Variants in ADK observed in about 807,000 individuals in gnomAD.
The protein encoded by ADK is adenosine kinase, also known as N6,N6-dimethyladenosine kinase.
Under a neutral mutation model 44.7 loss-of-function variants are expected in ADK, and 24 were observed. The ratio of observed to expected loss-of-function variants is 0.54; its 90% CI spans 0.39 to 0.76. The LOEUF (loss-of-function observed/expected upper bound fraction) is 0.76. Ranked by LOEUF, ADK falls within the 30% of genes least tolerant of loss-of-function variation. ADK has a pLI of 0.00. For synonymous variants in ADK, 128 were observed against 142.6 expected (o/e 0.90, Z 0.73); for missense variants, 321 against 425.1 (o/e 0.76, Z 2.15).
chr10:74,160,630 G>A (rs978365922), intron 1 of ADK, among the ~76,000 whole-genome samples: 1 of 152,068 alleles, frequency 6.6e-6, no homozygotes, highest in Non-Finnish European at 1.5e-5. Context: ...CATTCTCACT[G>A]TCTGCCCGTC....
At chr10:74,173,154 A>G (rs1245203340) in intron 1 of ADK, among the ~76,000 whole-genome samples, 2 of 148,180 alleles carry the variant, frequency 1.3e-5, no homozygotes, top group African/African-American at 2.5e-5. Context: ...GTGCAGTGGC[A>G]TGATCTCTGC....
At chr10:74,427,552 A>G (rs1337013443) in intron 6 of ADK, among the ~76,000 whole-genome samples, 1 of 152,136 alleles carries the variant, frequency 6.6e-6, no homozygotes, top group Non-Finnish European at 1.5e-5. Flanking sequence ...TTTTGAGCAA[A>G]TGAGTGAGCC....
At chr10:74,691,057 C>A (rs1855972623) in intron 10 of ADK, among the ~76,000 whole-genome samples, 1 of 152,136 alleles carries the variant, frequency 6.6e-6, no homozygotes, top group Admixed American at 6.6e-5. Flanking sequence ...GAAAATAAAA[C>A]CTTTAAAAAG....
intron 4 of ADK, among the ~76,000 whole-genome samples, chr10:74,346,215 C>A (rs10762600): frequency 0.65 from 98,032 of 151,954 alleles, 32,923 homozygotes; most frequent in Middle Eastern, 0.79. Flanking sequence ...TTTAATGAAT[C>A]CAAAGTTCAT....
chr10:74,478,736 C>T (rs1353311175), intron 6 of ADK, among the ~76,000 whole-genome samples: 1 of 152,168 alleles, frequency 6.6e-6, no homozygotes, highest in Non-Finnish European at 1.5e-5. Context: ...TTCCAAATAG[C>T]TTGTTAGTGT....
In ADK at chr10:74,708,538, C is replaced by T; in HGVS notation, c.*93C>T. ...ATTAATAAAGAAGAAAATTATCTGC[C>T]ATTTTTTCCTACTATAATAATGCTG... On this transcript the variant is annotated 3_prime_UTR_variant, in exon 11 of 11. Transcript: ENST00000539909. The T allele has an allele frequency of 7.1e-7, 1 of 1,409,866 alleles. No individual in the cohort carries two copies. Among genetic ancestry groups the T allele is most frequent in the Non-Finnish European group, 9.7e-7 (1 of 1,032,460 alleles). The allele number at this position is 1,409,866 out of a possible 1,614,324, so 87.3% of individuals were successfully genotyped here. A position where few individuals can be genotyped will look rare whatever the true frequency, so the allele number is the denominator to read the frequency against.
At chr10:74,388,792 C>T (rs1843239426) in intron 4 of ADK, among the ~76,000 whole-genome samples, 1 of 151,794 alleles carries the variant, frequency 6.6e-6, no homozygotes. Flanking sequence ...TAAACATGCA[C>T]AGGTTGGTAT....
At chr10:74,250,479 G>C (rs1845607807) in intron 3 of ADK, among the ~76,000 whole-genome samples, 1 of 152,136 alleles carries the variant, frequency 6.6e-6, no homozygotes, top group South Asian at 2.1e-4. Context: ...TACAACGTAG[G>C]TTCAGGCCGA....
intron 6 of ADK, among the ~76,000 whole-genome samples, chr10:74,456,203 C>G (rs916047939): frequency 1.3e-5 from 2 of 152,110 alleles, no homozygotes; most frequent in Non-Finnish European, 2.9e-5. Flanking sequence ...TAGACATCTA[C>G]AGAACTCTCC....
chr10:74,419,029 AGTTTAAT>A (rs752679852), intron 6 of ADK, among the ~76,000 whole-genome samples: 6 of 152,210 alleles, frequency 3.9e-5, no homozygotes, highest in Non-Finnish European at 7.3e-5. Context: ...ACCCTTTTAT[AGTTTAAT>A]GTTTGGCACC....
intron 3 of ADK, among the ~76,000 whole-genome samples, chr10:74,290,100 ACT>A (rs1554838778): frequency 1.4e-5 from 2 of 142,634 alleles, no homozygotes. Flanking sequence ...ACACACACAC[ACT>A]CACACACACT....
At chr10:74,360,432 A>G (rs1428929352) in intron 4 of ADK, among the ~76,000 whole-genome samples, 1 of 152,034 alleles carries the variant, frequency 6.6e-6, no homozygotes, top group Non-Finnish European at 1.5e-5. Context: ...TTTTTACTTC[A>G]GTGTTTGTTG....
At chr10:74,583,613 G>GGC (rs1851439700) in intron 7 of ADK, among the ~76,000 whole-genome samples, 1 of 151,992 alleles carries the variant, frequency 6.6e-6, no homozygotes, top group South Asian at 2.1e-4. Context: ...TCAAATTCCT[G>GGC]GACACAAGCA....
At chr10:74,354,075 T>G (rs1842056745) in intron 4 of ADK, among the ~76,000 whole-genome samples, 1 of 152,196 alleles carries the variant, frequency 6.6e-6, no homozygotes, top group Non-Finnish European at 1.5e-5. Context: ...AACAAATTGG[T>G]ATACGAATTA....
chr10:74,227,047 C>T (rs1844568572), intron 3 of ADK, among the ~76,000 whole-genome samples: 1 of 152,116 alleles, frequency 6.6e-6, no homozygotes, highest in South Asian at 2.1e-4. Flanking sequence ...TCATTTGTGT[C>T]TTTGCAACTC....
At chr10:74,468,600 AT>A (rs1846441680) in intron 6 of ADK, among the ~76,000 whole-genome samples, 1 of 152,200 alleles carries the variant, frequency 6.6e-6, no homozygotes. Context: ...TTTGCCACTA[AT>A]TTGTATAATG....
intron 6 of ADK, among the ~76,000 whole-genome samples, chr10:74,433,755 A>C (rs1193714886): frequency 6.6e-6 from 1 of 152,202 alleles, no homozygotes; most frequent in Non-Finnish European, 1.5e-5. Context: ...TTGACTTGTC[A>C]AAGTTGATTC....
chr10:74,580,032 A>G (rs1171410567), intron 7 of ADK, among the ~76,000 whole-genome samples: 2 of 152,214 alleles, frequency 1.3e-5, no homozygotes, highest in Non-Finnish European at 2.9e-5. Flanking sequence ...ATAAGCTTGT[A>G]AAGAATCAAG....
intron 3 of ADK, among the ~76,000 whole-genome samples, chr10:74,271,044 GTCT>G (rs1467529911): frequency 4.6e-5 from 7 of 152,266 alleles, no homozygotes; most frequent in South Asian, 4.2e-4. Context: ...CGGTAATGTA[GTCT>G]TCTATTTGGC....
Sources: gnomAD v4.1 joint callset for allele counts (sites outside exome capture counted in the v4.1 genomes callset) on GRCh38, gnomAD v4.1.1 for gene constraint, MANE v1.5 for transcripts, NCBI Gene and HGNC (gene_info 2026-07-23, HGNC 2026-07-21) for gene names.